The following FAM171A2 variants were observed in gnomAD, a reference collection of about 807,000 sequenced individuals.
FAM171A2 encodes the protein family with sequence similarity 171 member A2, also known as protein FAM171A2.
A neutral mutation model predicts 34.2 loss-of-function variants in FAM171A2; 13 were observed. That is an observed-to-expected ratio of 0.38 (90% CI 0.25 to 0.60). The LOEUF (loss-of-function observed/expected upper bound fraction) is 0.60. FAM171A2 is among the 20% of genes least tolerant of loss of function. FAM171A2 has a pLI of 0.62. For synonymous variants in FAM171A2, 475 were observed against 561.2 expected, an observed-to-expected ratio of 0.85 and a Z score of 2.17; for missense variants, 950 against 1,180.7, an observed-to-expected ratio of 0.80 and a Z score of 2.86.
Position 44,356,014 on chromosome 17 carries a change from G to C in FAM171A2, c.839C>G (p.Thr280Ser). The part of the protein sequence containing the change: ...IRKEGRQLYW[T>S]FVSPQLGYWV... ...GTACCCCAGCTGGGGGGAGACGAAG[G>C]TCCAGTAGAGCTGCCGGCCTTCCTT... Residue 280 changes from threonine to serine, a missense_variant, in exon 6 of 8, where the codon ACC (threonine) becomes AGC (serine). Physicochemically the swap from Thr to Ser is moderately conservative, Grantham distance 58. Transcript: ENST00000293443. The C allele has an allele frequency of 1.3e-6, 2 of 1,548,516 alleles. No homozygotes were observed. Among genetic ancestry groups the C allele is most frequent in the Non-Finnish European group, 1.7e-6 (2 of 1,145,440 alleles).
In FAM171A2 at chr17:44,359,878, C is replaced by T. The variant is rs536454181; in HGVS notation, c.346+27G>A. 4.0e-6 allele frequency: 6 copies of T among 1,505,118 alleles called. No individual in the cohort carries two copies. The African/African-American group carries it at 8.3e-5, about 21-fold the overall frequency. 93.2% of individuals were successfully genotyped at this position (1,505,118 alleles called of 1,614,324 possible). On this transcript the variant is annotated intron_variant, in intron 2 of 7. Transcript: ENST00000293443. ...GCTGATGGAGGGTCAGCTGCTGTCC[C>T]CCCCCTCCACCTGCCCCTGCACTCA... is the stretch of plus-strand genomic sequence containing the variant.
chr17:44,357,205 G>A (rs1378635534), intron 3 of FAM171A2, among the ~76,000 whole-genome samples: 1 of 151,930 alleles, frequency 6.6e-6, no homozygotes, highest in East Asian at 1.9e-4. Context: ...AAATTAGCTG[G>A]GTGTGGTGGT....
intron 3 of FAM171A2, 94 bp downstream of exon 3, chr17:44,359,485 C>T: frequency 3.7e-6 from 4 of 1,086,730 alleles, no homozygotes; most frequent in Non-Finnish European, 4.1e-6. Flanking sequence ...AAGTGACTTG[C>T]CCAAGGACAC....
In FAM171A2 at chr17:44,353,802, C is replaced by A; in HGVS notation, c.2412G>T (p.Glu804Asp). Reference protein sequence around the residue: ...EDELGAEVGDEAGDKKSPWQR... With the variant: ...EDELGAEVGDDAGDKKSPWQR... The stretch of plus-strand genomic sequence containing the variant: ...GCCACGGGCTCTTCTTGTCTCCCGC[C>A]TCGTCGCCCACCTCCGCCCCCAGCT... The change falls in exon 8 of 8, where the codon GAG (glutamate) becomes GAT (aspartate). Residue 804 changes from glutamate to aspartate, a missense_variant. Coordinates refer to ENST00000293443, the MANE Select transcript of FAM171A2 (RefSeq NM_198475.3). The A allele has an allele frequency of 7.0e-7, 1 of 1,435,186 alleles. No individual in the cohort carries two copies. The highest frequency in any genetic ancestry group is 9.1e-7 in the Non-Finnish European group (1 of 1,095,676). 88.9% of individuals were successfully genotyped at this position (1,435,186 alleles called of 1,614,324 possible).
chr17:44,361,295 C>T (rs866751586), intron 1 of FAM171A2, among the ~76,000 whole-genome samples: 4 of 152,362 alleles, frequency 2.6e-5, no homozygotes, highest in South Asian at 2.1e-4. Flanking sequence ...ACACTTCGCC[C>T]CTACCTTCCT....
Position 44,353,216 on chromosome 17 carries a change from T to C in FAM171A2, c.*517A>G, listed in dbSNP as rs2048397119. ...CCCCACAGAAAGACATACACAGCCT[T>C]AACCTCACCAGTTTTATATTTGCTG... On this transcript the variant is annotated 3_prime_UTR_variant, in exon 8 of 8. Transcript: ENST00000293443. 15 of 327,342 alleles carry C rather than the reference T, an allele frequency of 4.6e-5. 1 individual carries two copies. In the South Asian group the frequency reaches 4.6e-4, roughly 10 times the overall value. 20.3% of individuals were successfully genotyped at this position (327,342 alleles called of 1,614,324 possible).
chr17:44,353,621 CCT>C lies in FAM171A2; in HGVS notation c.*110_*111del. On this transcript the variant is annotated 3_prime_UTR_variant, in exon 8 of 8. Transcript: ENST00000293443. Reference sequence around the variant, plus strand: ...GGAACAGCTCCAAGGCCCCTGGGCCCCTCTCCGGCCTGGGGCTGGGAGCTACG... The same window carrying C: ...GGAACAGCTCCAAGGCCCCTGGGCCCCTCCGGCCTGGGGCTGGGAGCTACG... 1 of 824,958 alleles carries C rather than the reference CCT, an allele frequency of 1.2e-6. No homozygotes were observed. Among genetic ancestry groups the C allele is most frequent in the Non-Finnish European group, 1.6e-6 (1 of 633,976 alleles). 51.1% of individuals were successfully genotyped at this position (824,958 alleles called of 1,614,324 possible). A position where few individuals can be genotyped will look rare whatever the true frequency, so the allele number is the denominator to read the frequency against.
In FAM171A2 at chr17:44,355,823, G is replaced by A. The variant is rs2048420261; in HGVS notation, c.914C>T (p.Ser305Leu). The change falls in exon 7 of 8, where the codon TCG becomes TTG. Residue 305 changes from serine (S) to leucine (L), a missense_variant. Physicochemically the swap from Ser to Leu is moderately radical, Grantham distance 145 (BLOSUM62 -2). Around this residue, in one of 3 missense-constraint regions of FAM171A2, gnomAD observed 752 missense variants for 924.5 expected, o/e 0.81. Coordinates refer to ENST00000293443, the MANE Select transcript of FAM171A2 (RefSeq NM_198475.3). The surrounding 1 kb of genome is among the most constrained non-coding windows in gnomAD (Gnocchi z 4.1). ...GTAGGTGCCGATGTCCTGGATGCCC[G>A]ACGTGATGGTGACCAGCCCTGTGCC... Reference protein sequence around the residue: ...SPTAGLVTITSGIQDIGTYHT... With the variant: ...SPTAGLVTITLGIQDIGTYHT... 6.4e-7 allele frequency: 1 copy of A among 1,551,678 alleles called. No homozygotes were observed. The highest frequency in any genetic ancestry group is 1.2e-5 in the South Asian group (1 of 84,056).
rs1180996924 is a variant in FAM171A2, at chr17:44,354,104, T to TCGCGGGCCGGCGGCG, written c.2095_2109dup (p.Arg700_Arg704dup). ...GGCGGGGCGCGCTCCCGCTCCTCCC[T>TCGCGGGCCGGCGGCG]CGCGGGCCGGCGGCGCGCGGGCCGC... On this transcript the variant is annotated inframe_insertion, in exon 8 of 8. Transcript: ENST00000293443. The surrounding 1 kb of genome is among the most constrained non-coding windows in gnomAD (Gnocchi z 5.8). 10 of 1,122,134 alleles carry TCGCGGGCCGGCGGCG rather than the reference T, an allele frequency of 8.9e-6. No individual in the cohort carries two copies. Among genetic ancestry groups the TCGCGGGCCGGCGGCG allele is most frequent in the Non-Finnish European group, 1.1e-5 (10 of 917,802 alleles). 69.5% of individuals were successfully genotyped at this position (1,122,134 alleles called of 1,614,324 possible).
In FAM171A2 at chr17:44,356,452, C is replaced by T; in HGVS notation, c.576G>A (p.Leu192=). 6.4e-7 allele frequency: 1 copy of T among 1,551,066 alleles called. No individual in the cohort carries two copies. The highest frequency in any genetic ancestry group is 8.7e-7 in the Non-Finnish European group (1 of 1,146,956). Residue 192 remains leucine (L), a synonymous_variant, in exon 4 of 8, where the codon CTG becomes CTA. Transcript: ENST00000293443. ...QQEMRAFPAF[L]GTEASSSGNG... is the part of the protein sequence containing the mutation. ...TACCTGAGCTGGAGGCCTCAGTGCC[C>T]AGGAAGGCAGGGAAAGCCCGCATTT...
intron 1 of FAM171A2, 108 bp downstream of exon 1, chr17:44,363,489 A>C: frequency 2.1e-5 from 9 of 428,778 alleles, no homozygotes; most frequent in South Asian, 1.2e-4. Context: ...GAATCCAGGG[A>C]ACAGAATACC....
chr17:44,357,437 A>G (rs1377334371), intron 3 of FAM171A2, among the ~76,000 whole-genome samples: 1 of 151,886 alleles, frequency 6.6e-6, no homozygotes, highest in Non-Finnish European at 1.5e-5. Context: ...TCACGAGGTC[A>G]GGAGTTCAAG....
intron 3 of FAM171A2, among the ~76,000 whole-genome samples, chr17:44,357,730 C>CGTGTGTGTATGTGT (rs1555611967): frequency 7.0e-6 from 1 of 143,268 alleles, no homozygotes; most frequent in East Asian, 2.0e-4. Context: ...CAGTTTAGGT[C>CGTGTGTGTATGTGT]GTGTGTGTGT....
intron 3 of FAM171A2, among the ~76,000 whole-genome samples, chr17:44,357,411 T>A (rs1466762884): frequency 6.7e-6 from 1 of 149,670 alleles, no homozygotes; most frequent in African/African-American, 2.5e-5. Flanking sequence ...CACTTTGGGA[T>A]TCCAAGGCAG....
In FAM171A2 at chr17:44,356,038, T is replaced by C; in HGVS notation, c.815A>G (p.Lys272Arg). ...GGTCCAGTAGAGCTGCCGGCCTTCC[T>C]TCCGGATTACACCAGTGCCATTGCG... is the stretch of plus-strand genomic sequence containing the variant. ...WVRNGTGVIR[K>R]EGRQLYWTFV... is the part of the protein sequence containing the mutation. Residue 272 changes from lysine (K) to arginine (R), a missense_variant, in exon 6 of 8, where the codon AAG (lysine) becomes AGG (arginine). Coordinates refer to ENST00000293443, the MANE Select transcript of FAM171A2 (RefSeq NM_198475.3). 1 of 1,548,454 alleles carries C rather than the reference T, an allele frequency of 6.5e-7. No homozygotes were observed. Among genetic ancestry groups the C allele is most frequent in the South Asian group, 1.2e-5 (1 of 83,582 alleles).
intron 1 of FAM171A2, among the ~76,000 whole-genome samples, chr17:44,362,656 C>T (rs1160165237): frequency 3.9e-5 from 6 of 152,198 alleles, no homozygotes; most frequent in Non-Finnish European, 8.8e-5. Context: ...CAGGGTCTTG[C>T]TCCCCCACCC....
At position 44,354,677 on chromosome 17, in the gene FAM171A2, G is replaced by GCGACGGCGGCCGCGCCAGCTGGTCCAC; in HGVS notation, c.1510_1536dup (p.Val504_Ser512dup). Reference sequence around the variant, plus strand: ...AAGATGAGCTGCCCCGCCTGGCCCAGCGACGGCGGCCGCGCCAGCTGGTCC... The same window carrying GCGACGGCGGCCGCGCCAGCTGGTCCAC: ...AAGATGAGCTGCCCCGCCTGGCCCAGCGACGGCGGCCGCGCCAGCTGGTCCACCGACGGCGGCCGCGCCAGCTGGTCC... On this transcript the variant is annotated inframe_insertion, in exon 8 of 8. Coordinates refer to ENST00000293443, the MANE Select transcript of FAM171A2 (RefSeq NM_198475.3). This position sits in a 1 kb window ranked among gnomAD's most constrained non-coding sequence, Gnocchi z 5.8. 1 of 1,329,892 alleles carries GCGACGGCGGCCGCGCCAGCTGGTCCAC rather than the reference G, an allele frequency of 7.5e-7. No homozygotes were observed. Among genetic ancestry groups the GCGACGGCGGCCGCGCCAGCTGGTCCAC allele is most frequent in the Non-Finnish European group, 9.6e-7 (1 of 1,039,130 alleles). The allele number at this position is 1,329,892 out of a possible 1,614,324, so 82.4% of individuals were successfully genotyped here.
Position 44,363,773 on chromosome 17 carries a change from C to A in FAM171A2, c.-59G>T. 7.8e-6 allele frequency: 6 copies of A among 770,722 alleles called. No individual in the cohort carries two copies. Among genetic ancestry groups the A allele is most frequent in the Non-Finnish European group, 1.0e-5 (6 of 582,406 alleles). The allele number at this position is 770,722 out of a possible 1,614,324, so 47.7% of individuals were successfully genotyped here. A position where few individuals can be genotyped will look rare whatever the true frequency, so the allele number is the denominator to read the frequency against. The stretch of plus-strand genomic sequence containing the variant: ...CTCCCGCCTGGTCCCGCTCGCCCGG[C>A]CCCGCGCAGCCCCAGCTCTGCGCCG... On this transcript the variant is annotated 5_prime_UTR_variant, in exon 1 of 8. Transcript: ENST00000293443.
chr17:44,354,711 C>T lies in FAM171A2; in HGVS notation c.1503G>A (p.Ser501=). The T allele has an allele frequency of 2.2e-6, 3 of 1,341,104 alleles. No homozygotes were observed. The highest frequency in any genetic ancestry group is 1.7e-5 in the South Asian group (1 of 57,564). The allele number at this position is 1,341,104 out of a possible 1,614,324, so 83.1% of individuals were successfully genotyped here. A position where few individuals can be genotyped will look rare whatever the true frequency, so the allele number is the denominator to read the frequency against. ...AEGKTPDFLL[S]QSVDQLARPP... ...GCCGCGCCAGCTGGTCCACCGACTG[C>T]GACAGCAGGAAGTCGGGGGTCTTGC... The change falls in exon 8 of 8, where the codon TCG becomes TCA. Residue 501 remains serine, a synonymous_variant. Transcript: ENST00000293443. This position sits in a 1 kb window ranked among gnomAD's most constrained non-coding sequence, Gnocchi z 5.8.
Sources: allele counts gnomAD v4.1 joint callset (sites outside exome capture counted in the v4.1 genomes callset), GRCh38; gene constraint gnomAD v4.1.1; regional missense constraint gnomAD v4.1.1; non-coding constraint Gnocchi (gnomAD v3.1); transcripts MANE v1.5; gene names NCBI Gene and HGNC (gene_info 2026-07-23, HGNC 2026-07-21).